Variants in FER observed in about 807,000 individuals in gnomAD.
The protein encoded by FER is tyrosine-protein kinase Fer.
FER carries 63 observed loss-of-function variants against 111.0 expected under a neutral mutation model. The observed-to-expected ratio is 0.57, with a 90% confidence interval of 0.46 to 0.70. The LOEUF is 0.70. Ranked by LOEUF, FER falls within the 30% of genes least tolerant of loss-of-function variation. The pLI, the probability that FER is intolerant of heterozygous loss-of-function variation, is 0.00. For synonymous variants in FER, 327 were observed against 313.9 expected, an observed-to-expected ratio of 1.04 and a Z score of -0.44; for missense variants, 914 against 954.0, an observed-to-expected ratio of 0.96 and a Z score of 0.55.
chr5:109,103,070 A>G (rs1748452692), intron 17 of FER, among the ~76,000 whole-genome samples: 1 of 152,130 alleles, frequency 6.6e-6, no homozygotes, highest in Middle Eastern at 3.2e-3. Flanking sequence ...AAAATTTTTA[A>G]TGAATTAAAA....
intron 13 of FER, among the ~76,000 whole-genome samples, chr5:109,022,711 A>G (rs144196916): frequency 0.012 from 1,793 of 152,254 alleles, 17 homozygotes; most frequent in Non-Finnish European, 0.02. Context: ...AAGACCTGGA[A>G]CATGAACTTG....
chr5:109,035,940 A>G (rs777127987), intron 13 of FER, among the ~76,000 whole-genome samples: 1 of 152,110 alleles, frequency 6.6e-6, no homozygotes, highest in Non-Finnish European at 1.5e-5. Context: ...TGATGTTCTT[A>G]CTGGCTATTT....
chr5:108,914,076 T>C (rs569711269), intron 10 of FER, among the ~76,000 whole-genome samples: 36 of 152,330 alleles, frequency 2.4e-4, no homozygotes, highest in African/African-American at 8.4e-4. Flanking sequence ...GTGTTCTGGT[T>C]ACAGGGACTT....
chr5:108,969,552 T>G (rs182666332), intron 13 of FER, among the ~76,000 whole-genome samples: 1 of 152,196 alleles, frequency 6.6e-6, no homozygotes, highest in Admixed American at 6.5e-5. Flanking sequence ...GGGAGGTGGT[T>G]GAAATTGAAA....
intron 17 of FER, among the ~76,000 whole-genome samples, chr5:109,154,550 C>T (rs1383984363): frequency 6.6e-6 from 1 of 151,862 alleles, no homozygotes; most frequent in East Asian, 1.9e-4. Flanking sequence ...AAAAAACTCA[C>T]ATCTTATAGC....
At chr5:108,993,158 A>G (rs1014951360) in intron 13 of FER, among the ~76,000 whole-genome samples, 3 of 152,164 alleles carry the variant, frequency 2.0e-5, no homozygotes, top group Non-Finnish European at 4.4e-5. Context: ...AGAGGCTGCA[A>G]TCTCAGCACT....
Position 108,920,366 on chromosome 5 carries a change from A to G in FER, c.1236+22518A>G, listed in dbSNP as rs531808709. Among the ~76,000 whole-genome samples the G allele has an allele frequency of 3.9e-4, 60 of 152,250 alleles. No homozygotes were observed. The South Asian group carries it at 0.012, about 32-fold the overall frequency. The stretch of plus-strand genomic sequence containing the variant: ...TATCTGGTGTCATACATAAGGTATG[A>G]CAGTTCATTTGCATGAATAAGACAT... On this transcript the variant is annotated intron_variant, in intron 10 of 19. Transcript: ENST00000281092.
Position 108,966,821 on chromosome 5 carries a change from C to G in FER, c.1656+7474C>G, listed in dbSNP as rs184921486. Among the ~76,000 whole-genome samples, 697 of 152,220 alleles carry G rather than the reference C, an allele frequency of 4.6e-3. 1 individual carries two copies. The highest frequency in any genetic ancestry group is 0.01 in the Middle Eastern group (3 of 294). On this transcript the variant is annotated intron_variant, in intron 13 of 19. Coordinates refer to ENST00000281092, the MANE Select transcript of FER (RefSeq NM_005246.4). ...GTATAATGTATAATTCTCCCCTCCC[C>G]CATTTCTTGTTGGAAGCCATAGAAC...
chr5:109,093,027 T>G (rs1382775999), intron 16 of FER, among the ~76,000 whole-genome samples: 2 of 152,136 alleles, frequency 1.3e-5, no homozygotes, highest in African/African-American at 4.8e-5. Context: ...ACTGCATAAT[T>G]CCACTTATAT....
intron 13 of FER, among the ~76,000 whole-genome samples, chr5:109,035,086 T>G (rs934143414): frequency 6.9e-6 from 1 of 145,340 alleles, no homozygotes; most frequent in Admixed American, 7.2e-5. Flanking sequence ...CAGGCTGGAG[T>G]GCAGTGGCGC....
At chr5:108,815,115 A>T (rs1171959019) in intron 3 of FER, among the ~76,000 whole-genome samples, 1 of 152,080 alleles carries the variant, frequency 6.6e-6, no homozygotes, top group Admixed American at 6.5e-5. Flanking sequence ...ACATTCAACC[A>T]ATTTACTATA....
At chr5:108,888,047 T>G (rs1364894690) in intron 9 of FER, among the ~76,000 whole-genome samples, 1 of 151,908 alleles carries the variant, frequency 6.6e-6, no homozygotes, top group Non-Finnish European at 1.5e-5. Context: ...ATCATTTGAT[T>G]TAGCCTCACT....
chr5:109,173,353 C>CAG (rs1456995042), intron 17 of FER, among the ~76,000 whole-genome samples: 1 of 152,204 alleles, frequency 6.6e-6, no homozygotes, highest in Non-Finnish European at 1.5e-5. Flanking sequence ...TCTGTTTCTC[C>CAG]AGAGAGAGGA....
chr5:108,793,520 G>A (rs556309621), intron 2 of FER, among the ~76,000 whole-genome samples: 15 of 83,112 alleles, frequency 1.8e-4, no homozygotes, highest in Non-Finnish European at 2.5e-4. Context: ...TTGGCGGGGC[G>A]GGGGGGGTGG....
chr5:109,075,952 T>C (rs1259692131), intron 16 of FER, among the ~76,000 whole-genome samples: 1 of 152,080 alleles, frequency 6.6e-6, no homozygotes, highest in East Asian at 1.9e-4. Context: ...TAAACACTAA[T>C]TATTTTTATA....
chr5:108,822,971 A>G (rs1330047886), intron 3 of FER, among the ~76,000 whole-genome samples: 1 of 152,028 alleles, frequency 6.6e-6, no homozygotes, highest in Non-Finnish European at 1.5e-5. Flanking sequence ...CTTGGGTTCA[A>G]GTGATTCTCC....
chr5:108,845,067 T>TATATATACACACAC (rs1486282738), intron 5 of FER, among the ~76,000 whole-genome samples: 1 of 53,888 alleles, frequency 1.9e-5, no homozygotes, highest in Non-Finnish European at 3.5e-5. Context: ...TATATATATA[T>TATATATACACACAC]ACACACACAC....
chr5:109,012,862 A>T (rs1260603708), intron 13 of FER, among the ~76,000 whole-genome samples: 2 of 152,192 alleles, frequency 1.3e-5, no homozygotes, highest in African/African-American at 4.8e-5. Context: ...AATGAAATAA[A>T]AATTAAAAAC....
chr5:108,839,869 G>C (rs1020331371), intron 5 of FER, among the ~76,000 whole-genome samples: 6 of 151,834 alleles, frequency 4.0e-5, no homozygotes, highest in Non-Finnish European at 5.9e-5. Flanking sequence ...GAGCCACCGC[G>C]TCCGGCCATC....
Sources: gnomAD v4.1 joint callset for allele counts (sites outside exome capture counted in the v4.1 genomes callset) on GRCh38, gnomAD v4.1.1 for gene constraint, MANE v1.5 for transcripts, NCBI Gene and HGNC (gene_info 2026-07-23, HGNC 2026-07-21) for gene names.